Variants in LEPR observed in about 807,000 individuals in gnomAD.
The protein encoded by LEPR is leptin receptor, also known as OB receptor.
In LEPR, 56 loss-of-function variants were observed where a neutral mutation model predicts 114.7. That is an observed-to-expected ratio of 0.49 (90% CI 0.39 to 0.61). The LOEUF (loss-of-function observed/expected upper bound fraction) is 0.61. Ranked by LOEUF, LEPR falls within the 20% of genes least tolerant of loss-of-function variation. The probability of loss-of-function intolerance (pLI) is 0.00; values close to 1 mark genes in which losing one functional copy is unlikely to be tolerated. For synonymous variants in LEPR, 443 were observed against 461.4 expected (o/e 0.96, Z 0.51); for missense variants, 1,202 against 1,352.9 (o/e 0.89, Z 1.75).
chr1:65,606,785 A>G (rs866821581), intron 11 of LEPR, among the ~76,000 whole-genome samples: 4 of 152,318 alleles, frequency 2.6e-5, no homozygotes, highest in Admixed American at 1.3e-4. Context: ...TACAGTATAT[A>G]TCATCTTCCT....
chr1:65,637,191 C>A lies in LEPR; in HGVS notation c.*176C>A, dbSNP rs553223450. 1.6e-6 allele frequency: 1 copy of A among 636,324 alleles called. No homozygotes were observed. The allele number at this position is 636,324 out of a possible 1,614,324, so 39.4% of individuals were successfully genotyped here. ...ACATAGACAAAAAATTTGAGAAAGCCTTCATAAGCCTACCAATGTAGACAC... is the reference window on the plus strand; with the variant it reads ...ACATAGACAAAAAATTTGAGAAAGCATTCATAAGCCTACCAATGTAGACAC... On this transcript the variant is annotated 3_prime_UTR_variant, in exon 20 of 20. Coordinates refer to ENST00000349533, the MANE Select transcript of LEPR (RefSeq NM_002303.6).
chr1:65,470,193 T>C (rs925947901), intron 2 of LEPR, among the ~76,000 whole-genome samples: 11 of 152,218 alleles, frequency 7.2e-5, no homozygotes, highest in Admixed American at 5.9e-4. Context: ...TAAACACTTA[T>C]TGTGCCAATG....
intron 5 of LEPR, among the ~76,000 whole-genome samples, chr1:65,592,195 C>A (rs576144872): frequency 6.7e-6 from 1 of 149,220 alleles, no homozygotes; most frequent in African/African-American, 2.4e-5. Context: ...AAATATTTAT[C>A]ATTTTAGTTA....
intron 2 of LEPR, among the ~76,000 whole-genome samples, chr1:65,553,503 A>G (rs1222283345): frequency 1.3e-5 from 2 of 151,670 alleles, no homozygotes; most frequent in African/African-American, 2.4e-5. Flanking sequence ...CGCTTGTTCA[A>G]TTTGGCTATT....
At chr1:65,622,763 G>C in intron 18 of LEPR, 143 bp from the exon 19 acceptor site, 1 of 775,420 alleles carries the variant, frequency 1.3e-6, no homozygotes, top group Non-Finnish European at 2.1e-6. Flanking sequence ...AATCTTCATG[G>C]GCTAGCATGT....
intron 2 of LEPR, chr1:65,431,685 C>CT: frequency 9.6e-7 from 1 of 1,040,638 alleles, no homozygotes; most frequent in Admixed American, 2.5e-5. Context: ...ATTATTAAGC[C>CT]TTTTAGCAGC....
chr1:65,551,803 G>A (rs1251068059), intron 2 of LEPR, among the ~76,000 whole-genome samples: 5 of 152,108 alleles, frequency 3.3e-5, no homozygotes, highest in Non-Finnish European at 7.3e-5. Flanking sequence ...ATGATAGGGT[G>A]TCAATTTTAG....
chr1:65,556,486 G>A (rs891800844), intron 2 of LEPR, among the ~76,000 whole-genome samples: 9 of 152,034 alleles, frequency 5.9e-5, no homozygotes, highest in Non-Finnish European at 1.2e-4. Context: ...TCAAGGGATT[G>A]TTAACCCCTT....
At chr1:65,484,351 A>G (rs1422005559) in intron 2 of LEPR, among the ~76,000 whole-genome samples, 2 of 152,098 alleles carry the variant, frequency 1.3e-5, no homozygotes, top group Admixed American at 1.3e-4. Context: ...ATTTACTAAC[A>G]TCATTTGGGA....
intron 2 of LEPR, among the ~76,000 whole-genome samples, chr1:65,448,647 C>G (rs1487117807): frequency 2.0e-5 from 3 of 152,020 alleles, no homozygotes; most frequent in African/African-American, 7.3e-5. Flanking sequence ...ACTATCTAGG[C>G]CTTGTGCTTT....
intron 5 of LEPR, among the ~76,000 whole-genome samples, chr1:65,577,960 G>C (rs754064536): frequency 2.0e-5 from 3 of 150,808 alleles, no homozygotes; most frequent in Non-Finnish European, 4.4e-5. Context: ...CCCTCCTCTA[G>C]CCTCCCACCC....
intron 2 of LEPR, chr1:65,433,051 G>A (rs1277475794): frequency 1.2e-5 from 12 of 985,162 alleles, no homozygotes; most frequent in Non-Finnish European, 1.4e-5. Context: ...ACTGAGATGC[G>A]GGCAGGGAGG....
intron 19 of LEPR, chr1:65,635,198 A>C: frequency 1.0e-6 from 1 of 962,780 alleles, no homozygotes; most frequent in Non-Finnish European, 1.2e-6. Flanking sequence ...GTAAAATTCA[A>C]GTTAAATGAC....
intron 2 of LEPR, among the ~76,000 whole-genome samples, chr1:65,488,226 C>CTTTCTTTCTTTT (rs1165679914): frequency 1.3e-4 from 9 of 67,958 alleles, no homozygotes; most frequent in African/African-American, 7.9e-4. Flanking sequence ...CTCTCTCTCT[C>CTTTCTTTCTTTT]TCTTTCTTTC....
At chr1:65,552,463 C>G (rs1042271029) in intron 2 of LEPR, among the ~76,000 whole-genome samples, 1 of 152,074 alleles carries the variant, frequency 6.6e-6, no homozygotes, top group African/African-American at 2.4e-5. Flanking sequence ...ATGTCATGCT[C>G]TTTTTTGTCT....
Position 65,640,765 on chromosome 1 carries a change from T to C in LEPR, c.*3750T>C. 1 of 43,586 alleles carries C rather than the reference T, an allele frequency of 2.3e-5. No individual in the cohort carries two copies. The highest frequency in any genetic ancestry group is 1.1e-3 in the South Asian group (1 of 950). 2.7% of individuals were successfully genotyped at this position (43,586 alleles called of 1,614,324 possible). A position where few individuals can be genotyped will look rare whatever the true frequency, so the allele number is the denominator to read the frequency against. ...AACATTAGGAGATGATTTCCATGGC[T>C]TTTTTTTTTTTTTTTTTAGGAAGTC... On this transcript the variant is annotated 3_prime_UTR_variant, in exon 20 of 20. Transcript: ENST00000349533.
chr1:65,502,356 C>A (rs1245727600), intron 2 of LEPR, among the ~76,000 whole-genome samples: 2 of 152,080 alleles, frequency 1.3e-5, no homozygotes. Context: ...ACCAAGCCTG[C>A]TGGCACCTTG....
chr1:65,522,726 G>A (rs1215583088), intron 2 of LEPR, among the ~76,000 whole-genome samples: 1 of 152,040 alleles, frequency 6.6e-6, no homozygotes, highest in Non-Finnish European at 1.5e-5. Flanking sequence ...ATGATTCATT[G>A]TTCCCAGCAG....
chr1:65,500,731 G>T lies in LEPR; in HGVS notation c.-20-64815G>T, dbSNP rs897232363. 1.5e-4 allele frequency among the ~76,000 whole-genome samples: 23 copies of T among 152,228 alleles called. 1 individual carries two copies. The highest frequency in any genetic ancestry group is 5.3e-4 in the African/African-American group (22 of 41,540). On this transcript the variant is annotated intron_variant, in intron 2 of 19. Coordinates refer to ENST00000349533, the MANE Select transcript of LEPR (RefSeq NM_002303.6). The stretch of plus-strand genomic sequence containing the variant: ...TTGTAAGGCTTTTGGTTAACAGTGG[G>T]TAATTAGTAATTAAGTGCTTGGGGA...
Sources: allele counts gnomAD v4.1 joint callset (sites outside exome capture counted in the v4.1 genomes callset), GRCh38; gene constraint gnomAD v4.1.1; transcripts MANE v1.5; gene names NCBI Gene and HGNC (gene_info 2026-07-23, HGNC 2026-07-21).